BORCS8: variants seen among roughly 807,000 people sequenced by gnomAD.
BORCS8 encodes BLOC-1-related complex subunit 8.
A neutral mutation model predicts 18.7 loss-of-function variants in BORCS8; 13 were observed. The observed-to-expected ratio is 0.70, with a 90% confidence interval of 0.45 to 1.11. The LOEUF is 1.11. Ranked by LOEUF, BORCS8 falls within the 50% of genes least tolerant of loss-of-function variation. BORCS8 has a pLI of 0.00. For missense variants in BORCS8, 165 were observed against 165.7 expected (o/e 1.00, Z 0.02); for synonymous variants, 68 against 64.8 (o/e 1.05, Z -0.24).
At chr19:19,180,403 G>C (rs904181301) in intron 5 of BORCS8, 2 of 500,794 alleles carry the variant, frequency 4.0e-6, no homozygotes, top group African/African-American at 2.0e-5. Flanking sequence ...TCTGTCTTGG[G>C]GGGTGGAAAT....
At position 19,186,954 on chromosome 19, in the gene BORCS8, A is replaced by G; in HGVS notation, c.89T>C (p.Val30Ala). The G allele has an allele frequency of 6.4e-7, 1 of 1,551,436 alleles. No homozygotes were observed. The highest frequency in any genetic ancestry group is 8.7e-7 in the Non-Finnish European group (1 of 1,146,928). Residue 30 changes from valine (V) to alanine (A), a missense_variant, in exon 2 of 6, where the codon GTG becomes GCG. Physicochemically the swap from Val to Ala is moderately conservative, Grantham distance 64. Coordinates refer to ENST00000462790, the MANE Select transcript of BORCS8 (RefSeq NM_001145784.2). ...ATGCTCCTGCAGCCGGTACAGGGCC[A>G]CGGATGGCTCGTTGGCCAGGACGTA... is the stretch of plus-strand genomic sequence containing the variant. ...SVYVLANEPS[V>A]ALYRLQEHVR...
At position 19,182,189 on chromosome 19, in the gene BORCS8, G is replaced by A; in HGVS notation, c.326+384C>T. On this transcript the variant is annotated intron_variant, in intron 4 of 5. Transcript: ENST00000462790. The surrounding 1 kb of genome is among the most constrained non-coding windows in gnomAD (Gnocchi z 4.1). ...CACTGCCCCACATGGAACTCCGTCT[G>A]CCCCCGGATCGTCTCTGTCTGCATG... 2.2e-6 allele frequency: 1 copy of A among 445,586 alleles called. No homozygotes were observed. The highest frequency in any genetic ancestry group is 3.0e-6 in the Non-Finnish European group (1 of 332,276). The allele number at this position is 445,586 out of a possible 1,614,324, so 27.6% of individuals were successfully genotyped here.
chr19:19,182,631 G>A lies in BORCS8; in HGVS notation c.268C>T (p.Leu90=). Residue 90 remains leucine, a synonymous_variant, in exon 4 of 6, where the codon CTG becomes TTG. Coordinates refer to ENST00000462790, the MANE Select transcript of BORCS8 (RefSeq NM_001145784.2). This position sits in a 1 kb window ranked among gnomAD's most constrained non-coding sequence, Gnocchi z 4.1. ...SSVYFRSVEG[L]LKQAISIRDH... is the part of the protein sequence containing the mutation. Reference sequence around the variant, plus strand: ...CGGATGCTGATGGCCTGTTTGAGCAGACCCTCCACGCTGCGGAAGTAGACG... The same window carrying A: ...CGGATGCTGATGGCCTGTTTGAGCAAACCCTCCACGCTGCGGAAGTAGACG... The A allele has an allele frequency of 6.4e-7, 1 of 1,551,342 alleles. No homozygotes were observed. Among genetic ancestry groups the A allele is most frequent in the Non-Finnish European group, 8.7e-7 (1 of 1,146,950 alleles).
chr19:19,187,709 T>C (rs775607933), intron 1 of BORCS8, among the ~76,000 whole-genome samples: 1 of 151,578 alleles, frequency 6.6e-6, no homozygotes, highest in African/African-American at 2.4e-5. Flanking sequence ...CAGCTAATTT[T>C]TGTATTTTTA....
intron 5 of BORCS8, 126 bp downstream of exon 5, chr19:19,180,560 A>G (rs2060337943): frequency 2.8e-6 from 2 of 716,030 alleles, no homozygotes; most frequent in Admixed American, 4.3e-5. Context: ...CACCTCCGAA[A>G]TCATCCCACA....
At chr19:19,191,198 C>CA (rs953741996) in intron 1 of BORCS8, among the ~76,000 whole-genome samples, 4 of 151,726 alleles carry the variant, frequency 2.6e-5, no homozygotes, top group African/African-American at 9.7e-5. Context: ...ACTAAAAATA[C>CA]AAAAAAATTA....
Position 19,182,359 on chromosome 19 carries a change from C to A in BORCS8, c.326+214G>T, listed in dbSNP as rs1215626275. 3.1e-6 allele frequency: 4 copies of A among 1,308,188 alleles called. No homozygotes were observed. In the East Asian group the frequency reaches 8.7e-5, roughly 28 times the overall value. 81.0% of individuals were successfully genotyped at this position (1,308,188 alleles called of 1,614,324 possible). A position where few individuals can be genotyped will look rare whatever the true frequency, so the allele number is the denominator to read the frequency against. On this transcript the variant is annotated intron_variant, in intron 4 of 5. Coordinates refer to ENST00000462790, the MANE Select transcript of BORCS8 (RefSeq NM_001145784.2). The surrounding 1 kb of genome is among the most constrained non-coding windows in gnomAD (Gnocchi z 4.1). ...TCACTGCTATGTCCCCAGTGCCCAGCCCAGGGCCAGGCACACAGCAGAGCG... is the reference window on the plus strand; with the variant it reads ...TCACTGCTATGTCCCCAGTGCCCAGACCAGGGCCAGGCACACAGCAGAGCG...
Position 19,190,618 on chromosome 19 carries a change from G to A in BORCS8, c.37+1463C>T, listed in dbSNP as rs545021353. Among the ~76,000 whole-genome samples the A allele has an allele frequency of 3.3e-5, 5 of 152,292 alleles. 1 individual carries two copies. The highest frequency in any genetic ancestry group is 1.9e-4 in the East Asian group (1 of 5,176). On this transcript the variant is annotated intron_variant, in intron 1 of 5. Transcript: ENST00000462790. ...AGCCTGACCAACGTGGAGAAACCCC[G>A]TTTCTACTGAAAATACAAAATTAGC...
chr19:19,189,184 G>T lies in BORCS8; in HGVS notation c.38-2179C>A, dbSNP rs754250529. 3.9e-5 allele frequency among the ~76,000 whole-genome samples: 6 copies of T among 152,020 alleles called. No homozygotes were observed. The South Asian group carries it at 1.2e-3, about 32-fold the overall frequency. ...TCATTACAGGGTCTGTTTCAACAAC[G>T]GCATTCCCAGCCAGCCAGCAGGGCC... On this transcript the variant is annotated intron_variant, in intron 1 of 5. Transcript: ENST00000462790.
At chr19:19,183,271 G>A (rs187978413) in intron 3 of BORCS8, among the ~76,000 whole-genome samples, 16 of 152,146 alleles carry the variant, frequency 1.1e-4, no homozygotes, top group Admixed American at 7.2e-4. Flanking sequence ...TTAGCCGGGC[G>A]TGGTGGCGGC....
intron 5 of BORCS8, chr19:19,177,761 G>GAAAAGA (rs1568562259): frequency 6.1e-5 from 10 of 163,218 alleles, no homozygotes; most frequent in African/African-American, 2.6e-4. Flanking sequence ...AAGAAAGGAA[G>GAAAAGA]AAAGAAAGGG....
At position 19,186,098 on chromosome 19, in the gene BORCS8, C is replaced by T; in HGVS notation, c.151G>A (p.Ala51Thr). ...RSLPELAQHK[A>T]DMQRWEEQSQ... ...TGCTCCTCCCAACGCTGCATGTCTGCCTGTAGGGGGCGCAGGAGATATTTG... is the reference window on the plus strand; with the variant it reads ...TGCTCCTCCCAACGCTGCATGTCTGTCTGTAGGGGGCGCAGGAGATATTTG... The change falls in exon 3 of 6, where the codon GCA becomes ACA. Residue 51 changes from alanine to threonine, a missense_variant and splice_region_variant. Transcript: ENST00000462790. 1 of 1,551,474 alleles carries T rather than the reference C, an allele frequency of 6.4e-7. No homozygotes were observed. Among genetic ancestry groups the T allele is most frequent in the East Asian group, 2.4e-5 (1 of 40,922 alleles).
intron 5 of BORCS8, 147 bp downstream of exon 5, chr19:19,180,539 C>T: frequency 1.5e-6 from 1 of 662,068 alleles, no homozygotes; most frequent in Non-Finnish European, 2.7e-6. Context: ...TGCAGACACC[C>T]CTCCACCTGC....
Position 19,192,029 on chromosome 19 carries a change from G to A in BORCS8, c.37+52C>T, listed in dbSNP as rs373152164. ...CTCCGCGCCCGGCCTTTGTCAGGCC[G>A]CCCCTCCACAAGTTACCGGCCCCCT... On this transcript the variant is annotated intron_variant, in intron 1 of 5. Transcript: ENST00000462790. 3,288 of 1,547,732 alleles carry A rather than the reference G, an allele frequency of 2.1e-3. 6 individuals carry two copies. The highest frequency in any genetic ancestry group is 3.3e-3 in the Admixed American group (168 of 50,834).
chr19:19,188,834 T>A (rs773274426), intron 1 of BORCS8, among the ~76,000 whole-genome samples: 12 of 147,718 alleles, frequency 8.1e-5, no homozygotes, highest in Non-Finnish European at 1.6e-4. Flanking sequence ...CCTGATGAAA[T>A]TTTTTTTTTC....
chr19:19,182,179 A>T lies in BORCS8; in HGVS notation c.326+394T>A, dbSNP rs1029746721. On this transcript the variant is annotated intron_variant, in intron 4 of 5. Coordinates refer to ENST00000462790, the MANE Select transcript of BORCS8 (RefSeq NM_001145784.2). This position sits in a 1 kb window ranked among gnomAD's most constrained non-coding sequence, Gnocchi z 4.1. ...CTGCCCTCACCACTGCCCCACATGG[A>T]ACTCCGTCTGCCCCCGGATCGTCTC... The T allele has an allele frequency of 6.8e-5, 32 of 468,532 alleles. No individual in the cohort carries two copies. Among genetic ancestry groups the T allele is most frequent in the Admixed American group, 1.8e-4 (3 of 16,872 alleles). 29.0% of individuals were successfully genotyped at this position (468,532 alleles called of 1,614,324 possible).
Position 19,185,544 on chromosome 19 carries a change from G to A in BORCS8, c.215+490C>T, listed in dbSNP as rs2060398323. On this transcript the variant is annotated intron_variant, in intron 3 of 5. Coordinates refer to ENST00000462790, the MANE Select transcript of BORCS8 (RefSeq NM_001145784.2). ...CTGCTAAAAATACAAAAATTAGCCG[G>A]GCAAGGTGGCGGGCGCCTGTAGTCC... Among the ~76,000 whole-genome samples the A allele has an allele frequency of 3.3e-5, 5 of 152,274 alleles. No homozygotes were observed. The South Asian group carries it at 1.0e-3, about 32-fold the overall frequency.
intron 1 of BORCS8, among the ~76,000 whole-genome samples, chr19:19,188,529 G>A (rs1002589120): frequency 2.0e-5 from 3 of 152,050 alleles, no homozygotes; most frequent in South Asian, 2.1e-4. Context: ...TGCACTTCCC[G>A]GCATTCTTTT....
intron 3 of BORCS8, among the ~76,000 whole-genome samples, chr19:19,184,297 T>C (rs1373572837): frequency 8.1e-6 from 1 of 122,802 alleles, no homozygotes; most frequent in Non-Finnish European, 1.8e-5. Context: ...GGTTTTTTTT[T>C]TTCCTTTCTT....
Sources: allele counts gnomAD v4.1 joint callset (sites outside exome capture counted in the v4.1 genomes callset), GRCh38; gene constraint gnomAD v4.1.1; non-coding constraint Gnocchi (gnomAD v3.1); transcripts MANE v1.5; gene names NCBI Gene and HGNC (gene_info 2026-07-23, HGNC 2026-07-21).